CSMD3: variants seen among roughly 807,000 people sequenced by gnomAD.
CSMD3 encodes the protein CUB and sushi domain-containing protein 3.
In CSMD3, 177 loss-of-function variants were observed where a neutral mutation model predicts 435.2. That is an observed-to-expected ratio of 0.41 (90% CI 0.36 to 0.46). The LOEUF (loss-of-function observed/expected upper bound fraction) is 0.46, where lower values mean the gene tolerates loss of function less well. Among genes scored for constraint, CSMD3 ranks in the 20% least tolerant of loss-of-function variants. The probability of loss-of-function intolerance (pLI) is 0.34; values close to 1 mark genes in which losing one functional copy is unlikely to be tolerated. For missense variants in CSMD3, 4,265 were observed against 4,504.6 expected, an observed-to-expected ratio of 0.95 and a Z score of 1.52; for synonymous variants, 1,656 against 1,520.5, an observed-to-expected ratio of 1.09 and a Z score of -2.07.
intron 8 of CSMD3, among the ~76,000 whole-genome samples, chr8:112,950,151 A>T (rs2083755935): frequency 6.6e-6 from 1 of 151,982 alleles, no homozygotes; most frequent in African/African-American, 2.4e-5. Context: ...ATAGAGAAAA[A>T]ACATTATTTT....
intron 3 of CSMD3, among the ~76,000 whole-genome samples, chr8:113,265,045 G>A (rs1386575739): frequency 6.6e-6 from 1 of 151,670 alleles, no homozygotes; most frequent in Non-Finnish European, 1.5e-5. Context: ...ACAGCCTACT[G>A]TGAGTGAAAA....
intron 4 of CSMD3, among the ~76,000 whole-genome samples, chr8:113,169,951 T>C (rs1357348353): frequency 1.3e-5 from 2 of 152,184 alleles, no homozygotes; most frequent in Non-Finnish European, 2.9e-5. Flanking sequence ...ATGGTGTTGA[T>C]AAAATTCATC....
intron 13 of CSMD3, among the ~76,000 whole-genome samples, chr8:112,792,170 A>G (rs1423804512): frequency 6.6e-6 from 1 of 152,166 alleles, no homozygotes; most frequent in Non-Finnish European, 1.5e-5. Flanking sequence ...TGATGATCAA[A>G]TACTTTTAAT....
intron 3 of CSMD3, among the ~76,000 whole-genome samples, chr8:113,242,788 A>G (rs1340356691): frequency 6.6e-6 from 1 of 152,000 alleles, no homozygotes; most frequent in Non-Finnish European, 1.5e-5. Flanking sequence ...ATTTTTCTTT[A>G]TTAAATTCAA....
At chr8:112,359,550 A>T (rs1424705299) in intron 38 of CSMD3, among the ~76,000 whole-genome samples, 3 of 152,138 alleles carry the variant, frequency 2.0e-5, no homozygotes, top group African/African-American at 7.2e-5. Context: ...ATAAATATTA[A>T]TGCCTAATTA....
chr8:112,674,845 C>G (rs766267028), intron 16 of CSMD3, among the ~76,000 whole-genome samples: 1 of 152,110 alleles, frequency 6.6e-6, no homozygotes, highest in Non-Finnish European at 1.5e-5. Flanking sequence ...GATAAGGAGA[C>G]TAGCACTTTC....
intron 36 of CSMD3, among the ~76,000 whole-genome samples, chr8:112,384,303 G>C (rs1268708155): frequency 6.6e-6 from 1 of 152,062 alleles, no homozygotes; most frequent in East Asian, 1.9e-4. Context: ...TTAATGAATA[G>C]AGTTATAGTA....
intron 38 of CSMD3, among the ~76,000 whole-genome samples, chr8:112,377,483 G>A (rs1215419454): frequency 6.6e-6 from 1 of 152,034 alleles, no homozygotes; most frequent in Non-Finnish European, 1.5e-5. Context: ...GGGAAAATAT[G>A]TCCAAACTTG....
chr8:113,143,420 A>G (rs1340378085), intron 4 of CSMD3, among the ~76,000 whole-genome samples: 2 of 151,484 alleles, frequency 1.3e-5, no homozygotes, highest in East Asian at 1.9e-4. Context: ...GGCAATTGCT[A>G]AAGAAACAGA....
intron 22 of CSMD3, among the ~76,000 whole-genome samples, chr8:112,591,329 T>C (rs115076097): frequency 0.021 from 3,225 of 152,200 alleles, 125 homozygotes; most frequent in African/African-American, 0.072. Flanking sequence ...TGAAATTTGA[T>C]GATAAGAGTC....
chr8:112,319,847 G>T, intron 46 of CSMD3, 54 bp downstream of exon 46: 3 of 1,283,120 alleles, frequency 2.3e-6, no homozygotes, highest in Non-Finnish European at 3.4e-6. Flanking sequence ...TTATTTTTAA[G>T]CAAATAGTTC....
intron 4 of CSMD3, among the ~76,000 whole-genome samples, chr8:113,152,729 C>T (rs950867789): frequency 3.9e-5 from 6 of 151,926 alleles, no homozygotes; most frequent in African/African-American, 1.4e-4. Context: ...TTTGTAATCC[C>T]AGCACTTTGG....
chr8:112,367,986 T>C (rs944093368), intron 38 of CSMD3, among the ~76,000 whole-genome samples: 3 of 152,212 alleles, frequency 2.0e-5, no homozygotes, highest in African/African-American at 7.2e-5. Context: ...ATTAGAACTA[T>C]GTATTATGGG....
chr8:112,382,536 T>C (rs576040778), intron 37 of CSMD3, among the ~76,000 whole-genome samples: 1 of 152,320 alleles, frequency 6.6e-6, no homozygotes, highest in East Asian at 1.9e-4. Flanking sequence ...TCAAATTTAT[T>C]TCAGCATATC....
At chr8:112,831,196 T>C (rs1016983512) in intron 11 of CSMD3, among the ~76,000 whole-genome samples, 1 of 152,200 alleles carries the variant, frequency 6.6e-6, no homozygotes, top group Non-Finnish European at 1.5e-5. Flanking sequence ...ATAAAGACTT[T>C]GAACTATACA....
chr8:113,313,318 C>A (rs1404337449), intron 2 of CSMD3: 1 of 152,016 alleles, frequency 6.6e-6, no homozygotes, highest in Non-Finnish European at 1.5e-5. Context: ...AACACTAATT[C>A]TTTCTTTTTT....
At chr8:112,846,968 G>C (rs1296845477) in intron 11 of CSMD3, among the ~76,000 whole-genome samples, 2 of 151,888 alleles carry the variant, frequency 1.3e-5, no homozygotes. Context: ...AGTGACCAGA[G>C]CTACTTTTCT....
At chr8:112,409,198 T>C (rs1273275555) in intron 32 of CSMD3, among the ~76,000 whole-genome samples, 166 bp from the exon 33 acceptor site, 1 of 152,056 alleles carries the variant, frequency 6.6e-6, no homozygotes, top group Non-Finnish European at 1.5e-5. Flanking sequence ...TTGATATTAC[T>C]GACACATGTA....
chr8:112,773,058 A>G (rs1397167223), intron 13 of CSMD3, among the ~76,000 whole-genome samples: 1 of 151,918 alleles, frequency 6.6e-6, no homozygotes, highest in Non-Finnish European at 1.5e-5. Context: ...CTATCTCTAT[A>G]CTTTGTCTCT....
Sources: allele counts gnomAD v4.1 joint callset (sites outside exome capture counted in the v4.1 genomes callset), GRCh38; gene constraint gnomAD v4.1.1; transcripts MANE v1.5; gene names NCBI Gene and HGNC (gene_info 2026-07-23, HGNC 2026-07-21).